HDAC9: variants seen among roughly 807,000 people sequenced by gnomAD.
HDAC9 encodes the protein MEF-2 interacting transcription repressor (MITR) protein.
HDAC9 carries 41 observed loss-of-function variants against 139.4 expected under a neutral mutation model. That is an observed-to-expected ratio of 0.29 (90% CI 0.23 to 0.38). HDAC9 has a LOEUF of 0.38. Ranked by LOEUF, HDAC9 falls within the 10% of genes least tolerant of loss-of-function variation. The pLI is 1.00. For synonymous variants in HDAC9, 517 were observed against 476.2 expected, an observed-to-expected ratio of 1.09 and a Z score of -1.12; for missense variants, 1,147 against 1,297.0, an observed-to-expected ratio of 0.88 and a Z score of 1.78.
chr7:18,878,980 T>C (rs1012304857), intron 22 of HDAC9, among the ~76,000 whole-genome samples: 2 of 152,096 alleles, frequency 1.3e-5, no homozygotes, highest in Admixed American at 6.6e-5. Context: ...GCAAAATTAA[T>C]GCACAAAAGT....
intron 22 of HDAC9, among the ~76,000 whole-genome samples, chr7:18,881,374 G>C (rs775774238): frequency 6.6e-6 from 1 of 151,958 alleles, no homozygotes; most frequent in Non-Finnish European, 1.5e-5. Flanking sequence ...CTTCTCAATG[G>C]ATATTTATTC....
At chr7:18,948,130 A>G (rs1782529519) in intron 23 of HDAC9, among the ~76,000 whole-genome samples, 1 of 152,022 alleles carries the variant, frequency 6.6e-6, no homozygotes, top group African/African-American at 2.4e-5. Context: ...TTAAAGGGGA[A>G]ATATAGAAAT....
chr7:18,643,634 C>G (rs985685155), intron 8 of HDAC9, among the ~76,000 whole-genome samples: 2 of 151,994 alleles, frequency 1.3e-5, no homozygotes, highest in African/African-American at 4.8e-5. Context: ...AATTGATATC[C>G]CAGGTTTGTC....
intron 12 of HDAC9, among the ~76,000 whole-genome samples, chr7:18,709,786 C>T (rs1784212523): frequency 6.6e-6 from 1 of 152,150 alleles, no homozygotes; most frequent in African/African-American, 2.4e-5. Flanking sequence ...ATCCTTCCAC[C>T]TTGGCCTCCC....
At chr7:18,276,948 C>T in intron 2 of HDAC9, among the ~76,000 whole-genome samples, 1 of 151,704 alleles carries the variant, frequency 6.6e-6, no homozygotes, top group East Asian at 1.9e-4. Context: ...TTTTCTATAC[C>T]TAAATTTTTC....
At chr7:18,770,614 C>A (rs1170003394) in intron 16 of HDAC9, among the ~76,000 whole-genome samples, 4 of 152,162 alleles carry the variant, frequency 2.6e-5, no homozygotes, top group African/African-American at 9.7e-5. Context: ...GCTTCAAACG[C>A]TTCTGCGGCT....
intron 1 of HDAC9, among the ~76,000 whole-genome samples, chr7:18,102,370 T>G (rs1782908998): frequency 6.6e-6 from 1 of 152,214 alleles, no homozygotes; most frequent in South Asian, 2.1e-4. Flanking sequence ...AGAGTTACTT[T>G]AGAATTCTTA....
At chr7:18,432,599 C>A (rs1461502923) in intron 1 of HDAC9, among the ~76,000 whole-genome samples, 3 of 152,208 alleles carry the variant, frequency 2.0e-5, no homozygotes, top group Admixed American at 2.0e-4. Context: ...AATAGTGCTA[C>A]TGTCTACCTA....
chr7:18,809,966 C>A (rs1053387050), intron 17 of HDAC9, among the ~76,000 whole-genome samples: 2 of 151,934 alleles, frequency 1.3e-5, no homozygotes, highest in African/African-American at 2.4e-5. Context: ...ACGGAAAAAA[C>A]CTAAATGTGC....
At chr7:18,212,333 A>C (rs924546818) in intron 2 of HDAC9, among the ~76,000 whole-genome samples, 1 of 152,108 alleles carries the variant, frequency 6.6e-6, no homozygotes, top group Non-Finnish European at 1.5e-5. Flanking sequence ...ACCTCATATA[A>C]TATTATTACA....
chr7:18,343,999 C>T (rs1782211704), intron 1 of HDAC9, among the ~76,000 whole-genome samples: 1 of 151,788 alleles, frequency 6.6e-6, no homozygotes, highest in African/African-American at 2.4e-5. Context: ...AGGACCAAGT[C>T]ATATCTGCCT....
chr7:18,208,434 A>G (rs1040403250), intron 2 of HDAC9, among the ~76,000 whole-genome samples: 1 of 144,930 alleles, frequency 6.9e-6, no homozygotes, highest in East Asian at 2.0e-4. Flanking sequence ...GTACAGTGGC[A>G]TGAACAAGGC....
intron 2 of HDAC9, among the ~76,000 whole-genome samples, chr7:18,232,490 T>C (rs1490928977): frequency 6.6e-6 from 1 of 152,160 alleles, no homozygotes; most frequent in African/African-American, 2.4e-5. Context: ...TTGGACCTAA[T>C]CACTTCCTCC....
At position 18,451,401 on chromosome 7, in the gene HDAC9, G is replaced by GTGTGCA. The variant is rs760861605; in HGVS notation, c.-41-44860_-41-44859insGTGCAT. Among the ~76,000 whole-genome samples, 382 of 135,282 alleles carry GTGTGCA rather than the reference G, an allele frequency of 2.8e-3. 2 individuals carry two copies. Among genetic ancestry groups the GTGTGCA allele is most frequent in the Non-Finnish European group, 3.2e-3 (203 of 62,962 alleles). The allele number at this position is 135,282 out of a possible 152,430, so 88.8% of individuals were successfully genotyped here. On this transcript the variant is annotated intron_variant, in intron 1 of 3. Coordinates refer to the HDAC9 transcript ENST00000413509. The stretch of plus-strand genomic sequence containing the variant: ...TGTGTGTGTGTGTGTGTGTGTGTGT[G>GTGTGCA]TATATATGTGTGTGTGTGTGTATAT...
intron 17 of HDAC9, among the ~76,000 whole-genome samples, chr7:18,818,529 G>T: frequency 6.6e-6 from 1 of 152,146 alleles, no homozygotes; most frequent in Non-Finnish European, 1.5e-5. Flanking sequence ...ACTATTCTCT[G>T]CACTGCAGCT....
chr7:18,466,200 GTATT>G (rs765387627), intron 1 of HDAC9, among the ~76,000 whole-genome samples: 13 of 152,164 alleles, frequency 8.5e-5, no homozygotes, highest in Non-Finnish European at 1.8e-4. Flanking sequence ...TTTCTTTTAT[GTATT>G]TATTTATTTA....
intron 11 of HDAC9, among the ~76,000 whole-genome samples, chr7:18,659,634 G>C (rs1250091767): frequency 1.3e-5 from 2 of 152,102 alleles, no homozygotes; most frequent in African/African-American, 4.8e-5. Context: ...AGAATAGAGA[G>C]ACAGCCTGAC....
chr7:18,851,449 G>C (rs1329131531), intron 21 of HDAC9: 1 of 152,550 alleles, frequency 6.6e-6, no homozygotes, highest in Non-Finnish European at 1.5e-5. Context: ...GTTCCGCCAT[G>C]ATTGTAAGTT....
chr7:18,467,685 T>C (rs989697626), intron 1 of HDAC9, among the ~76,000 whole-genome samples: 2 of 152,246 alleles, frequency 1.3e-5, no homozygotes, highest in African/African-American at 2.4e-5. Flanking sequence ...TTTTGCCTTA[T>C]GTGTTGTTAA....
Sources: gnomAD v4.1 joint callset for allele counts (sites outside exome capture counted in the v4.1 genomes callset) on GRCh38, gnomAD v4.1.1 for gene constraint, MANE v1.5 for transcripts, NCBI Gene and HGNC (gene_info 2026-07-23, HGNC 2026-07-21) for gene names.